GYS1: variants seen among roughly 807,000 people sequenced by gnomAD.
GYS1 encodes glycogen [starch] synthase, muscle.
In GYS1, 60 loss-of-function variants were observed where a neutral mutation model predicts 89.1. The observed-to-expected ratio is 0.67, with a 90% CI of 0.55 to 0.84. GYS1 has a LOEUF of 0.84. GYS1 is among the 40% of genes least tolerant of loss of function. The pLI is 0.00. For synonymous variants in GYS1, 366 were observed against 401.7 expected, an observed-to-expected ratio of 0.91 and a Z score of 1.06; for missense variants, 888 against 1,003.1, an observed-to-expected ratio of 0.89 and a Z score of 1.55.
In GYS1 at chr19:48,991,999, C is replaced by T. The variant is rs188278079; in HGVS notation, c.119-516G>A. On this transcript the variant is annotated intron_variant, in intron 1 of 15. Transcript: ENST00000323798. The surrounding 1 kb of genome is among the most constrained non-coding windows in gnomAD (Gnocchi z 4.7). ...CATGGTCATTCCCTGCCCCCAGGGA[C>T]CTTGCTGACCTGCCTCCCAATTTCC... Among the ~76,000 whole-genome samples the T allele has an allele frequency of 1.3e-5, 2 of 152,196 alleles. No homozygotes were observed. The highest frequency in any genetic ancestry group is 3.9e-4 in the East Asian group (2 of 5,180).
In GYS1 at chr19:48,993,298, C is replaced by A. The variant is rs778597713; in HGVS notation, c.-186G>T. ...CGTTGGGACCTAGGCAGAAGGAGGC[C>A]GCAGCGTCACTGAGCCCACTGGCGC... On this transcript the variant is annotated 5_prime_UTR_variant, in exon 1 of 16. Coordinates refer to ENST00000323798, the MANE Select transcript of GYS1 (RefSeq NM_002103.5). 6.0e-6 allele frequency: 4 copies of A among 663,864 alleles called. No homozygotes were observed. Among genetic ancestry groups the A allele is most frequent in the Non-Finnish European group, 8.4e-6 (3 of 358,054 alleles). 41.1% of individuals were successfully genotyped at this position (663,864 alleles called of 1,614,324 possible).
Position 48,974,840 on chromosome 19 carries a change from C to T in GYS1, c.1309-107G>A, listed in dbSNP as rs183513857. 8.1e-5 allele frequency: 60 copies of T among 740,520 alleles called. No homozygotes were observed. In the African/African-American group the frequency reaches 9.1e-4, roughly 11 times the overall value. The allele number at this position is 740,520 out of a possible 1,614,324, so 45.9% of individuals were successfully genotyped here. A position where few individuals can be genotyped will look rare whatever the true frequency, so the allele number is the denominator to read the frequency against. ...GGGAGCCAAGGAGACCACAAATGCA[C>T]CGGACGTGGGGCAACAAACCCAAGT... On this transcript the variant is annotated intron_variant, in intron 10 of 15. Transcript: ENST00000323798.
At chr19:48,978,907 G>A (rs191659988) in intron 8 of GYS1, among the ~76,000 whole-genome samples, 1 of 152,304 alleles carries the variant, frequency 6.6e-6, no homozygotes, top group African/African-American at 2.4e-5. Context: ...CCTCCAGGCT[G>A]GAGGATGGGG....
Position 48,993,264 on chromosome 19 carries a change from G to A in GYS1, c.-152C>T, listed in dbSNP as rs1221577572. The A allele has an allele frequency of 2.7e-6, 2 of 737,408 alleles. 1 individual carries two copies. The highest frequency in any genetic ancestry group is 2.8e-5 in the South Asian group (2 of 72,664). 45.7% of individuals were successfully genotyped at this position (737,408 alleles called of 1,614,324 possible). A position where few individuals can be genotyped will look rare whatever the true frequency, so the allele number is the denominator to read the frequency against. ...CTTCCTATTGCAAGACCGCACCCCT[G>A]CCCCGAAGCGTTGGGACCTAGGCAG... On this transcript the variant is annotated 5_prime_UTR_variant, in exon 1 of 16. Coordinates refer to ENST00000323798, the MANE Select transcript of GYS1 (RefSeq NM_002103.5).
intron 5 of GYS1, among the ~76,000 whole-genome samples, chr19:48,983,955 A>G (rs1348529058): frequency 1.3e-5 from 2 of 152,188 alleles, no homozygotes; most frequent in Non-Finnish European, 2.9e-5. Flanking sequence ...AGGTAAAAAA[A>G]TGGTAACTGA....
rs1346568302 is a variant in GYS1 at position 48,969,402 on chromosome 19, G to A, written c.2100C>T (p.Thr700=). The A allele has an allele frequency of 1.3e-6, 2 of 1,559,190 alleles. No homozygotes were observed. Reference sequence around the variant, plus strand: ...TGCGCTTGCTGCCGCTGGTGGAGGAGGTGCAGGACGCTCGGCGCGGCCACT... The same window carrying A: ...TGCGCTTGCTGCCGCTGGTGGAGGAAGTGCAGGACGCTCGGCGCGGCCACT... ...APEWPRRASC[T]SSTSGSKRNS... is the part of the protein sequence containing the mutation. Residue 700 remains threonine, a synonymous_variant, in exon 16 of 16, where the codon ACC becomes ACT. Coordinates refer to ENST00000323798, the MANE Select transcript of GYS1 (RefSeq NM_002103.5).
At position 48,974,724 on chromosome 19, in the gene GYS1, A is replaced by G. The variant is rs756191455; in HGVS notation, c.1318T>C (p.Phe440Leu). 1.1e-5 allele frequency: 17 copies of G among 1,611,010 alleles called. No homozygotes were observed. Among genetic ancestry groups the G allele is most frequent in the Middle Eastern group, 1.6e-4 (1 of 6,076 alleles). ...ATATTGTGGGTGCACACAGGGGGGA[A>G]AGACTGCCGCTGCAGGAGCCACAAG... ...RAIFATQRQSFPPVCTHNMLD... is the reference protein window; with the variant it reads ...RAIFATQRQSLPPVCTHNMLD... The change falls in exon 11 of 16, where the codon TTC (phenylalanine) becomes CTC (leucine). Residue 440 changes from phenylalanine (F) to leucine (L), a missense_variant. Physicochemically the swap from Phe to Leu is conservative, Grantham distance 22. Coordinates refer to ENST00000323798, the MANE Select transcript of GYS1 (RefSeq NM_002103.5).
At position 48,969,490 on chromosome 19, in the gene GYS1, T is replaced by A. The variant is rs780892427; in HGVS notation, c.2012A>T (p.Asp671Val). 49 of 1,545,012 alleles carry A rather than the reference T, an allele frequency of 3.2e-5. No individual in the cohort carries two copies. Among genetic ancestry groups the A allele is most frequent in the Middle Eastern group, 4.3e-4 (2 of 4,684 alleles). ...EDPRNGPLEE[D>V]GERYDEDEEA... ...CTCGTCCTCATCGTAGCGCTCGCCGTCTTCCTCCAGCGGCCCGTTCCGGGG... is the reference window on the plus strand; with the variant it reads ...CTCGTCCTCATCGTAGCGCTCGCCGACTTCCTCCAGCGGCCCGTTCCGGGG... Residue 671 changes from aspartate to valine, a missense_variant, in exon 16 of 16, where the codon GAC becomes GTC. Coordinates refer to ENST00000323798, the MANE Select transcript of GYS1 (RefSeq NM_002103.5).
intron 5 of GYS1, among the ~76,000 whole-genome samples, chr19:48,983,648 CCAGT>C (rs752132415): frequency 2.6e-5 from 4 of 152,160 alleles, no homozygotes; most frequent in Non-Finnish European, 5.9e-5. Context: ...ATAGAGCTAA[CCAGT>C]CAAAGGCCTT....
At position 48,992,981 on chromosome 19, in the gene GYS1, C is replaced by T; in HGVS notation, c.118+14G>A. 6.7e-7 allele frequency: 1 copy of T among 1,483,388 alleles called. No homozygotes were observed. Among genetic ancestry groups the T allele is most frequent in the South Asian group, 1.1e-5 (1 of 88,476 alleles). 91.9% of individuals were successfully genotyped at this position (1,483,388 alleles called of 1,614,324 possible). On this transcript the variant is annotated intron_variant, in intron 1 of 15. Coordinates refer to ENST00000323798, the MANE Select transcript of GYS1 (RefSeq NM_002103.5). Reference sequence around the variant, plus strand: ...GTCCTTCTCGTCAAGGGCCCCGACGCCTGGCGTGCTCACCCTTGTTAGCCA... The same window carrying T: ...GTCCTTCTCGTCAAGGGCCCCGACGTCTGGCGTGCTCACCCTTGTTAGCCA...
At chr19:48,984,267 A>G (rs1300965605) in intron 5 of GYS1, among the ~76,000 whole-genome samples, 1 of 152,058 alleles carries the variant, frequency 6.6e-6, no homozygotes, top group African/African-American at 2.4e-5. Flanking sequence ...TCAGCCTTCC[A>G]AAGTGCTGGG....
intron 8 of GYS1, among the ~76,000 whole-genome samples, chr19:48,979,509 A>G (rs1301499000): frequency 1.3e-5 from 2 of 149,732 alleles, no homozygotes; most frequent in Admixed American, 6.7e-5. Context: ...GCTAATTTTT[A>G]TATTTTTAGT....
In GYS1 at chr19:48,968,980, A is replaced by G. The variant is rs773847232; in HGVS notation, c.*308T>C. 1.0e-5 allele frequency: 6 copies of G among 597,070 alleles called. No homozygotes were observed. Among genetic ancestry groups the G allele is most frequent in the South Asian group, 7.6e-5 (5 of 65,746 alleles). The allele number at this position is 597,070 out of a possible 1,614,324, so 37.0% of individuals were successfully genotyped here. A position where few individuals can be genotyped will look rare whatever the true frequency, so the allele number is the denominator to read the frequency against. On this transcript the variant is annotated 3_prime_UTR_variant, in exon 16 of 16. Transcript: ENST00000323798. ...CTGAAAGCACCATGCCAGGTTTCCT[A>G]AAACCTCTGGCACCACCGCAGAGTA...
chr19:48,989,997 C>CCGGGGGGGG (rs1568626187), intron 2 of GYS1, among the ~76,000 whole-genome samples: 1 of 26,152 alleles, frequency 3.8e-5, no homozygotes, highest in African/African-American at 3.6e-4. Flanking sequence ...TGCCCTTTTG[C>CCGGGGGGGG]TGGGGGGGGG....
Position 48,993,081 on chromosome 19 carries a change from G to A in GYS1, c.32C>T (p.Ser11Leu), listed in dbSNP as rs1407922848. The change falls in exon 1 of 16, where the codon TCA becomes TTA. Residue 11 changes from serine to leucine, a missense_variant. Transcript: ENST00000323798. MPLNRTLSMS[S>L]LPGLEDWEDE... ...CTCCCAGTCCTCCAGTCCTGGCAGT[G>A]AGGACATGGACAAAGTGCGGTTTAA... 2 of 1,612,222 alleles carry A rather than the reference G, an allele frequency of 1.2e-6. No homozygotes were observed. Among genetic ancestry groups the A allele is most frequent in the Non-Finnish European group, 1.7e-6 (2 of 1,178,320 alleles).
chr19:48,981,725 G>A, intron 7 of GYS1, 89 bp from the exon 8 acceptor site: 1 of 802,028 alleles, frequency 1.2e-6, no homozygotes. Flanking sequence ...CTGGGATCCT[G>A]CCATACCCAT....
chr19:48,982,403 C>T, intron 6 of GYS1, 28 bp from the exon 7 acceptor site: 1 of 1,613,402 alleles, frequency 6.2e-7, no homozygotes, highest in Non-Finnish European at 8.5e-7. Flanking sequence ...CACGGTAAAG[C>T]CCAAAGCCCT....
At chr19:48,987,619 C>T (rs867159745) in intron 2 of GYS1, among the ~76,000 whole-genome samples, 1 of 151,982 alleles carries the variant, frequency 6.6e-6, no homozygotes, top group African/African-American at 2.4e-5. Flanking sequence ...CAATATTTTC[C>T]GTGCCCCCTG....
In GYS1 at chr19:48,969,616, A is replaced by G. The variant is rs562560752; in HGVS notation, c.1891-5T>C. 6.5e-7 allele frequency: 1 copy of G among 1,543,444 alleles called. No individual in the cohort carries two copies. Among genetic ancestry groups the G allele is most frequent in the Admixed American group, 1.9e-5 (1 of 51,570 alleles). Reference sequence around the variant, plus strand: ...TGGGTAGCGGTACCCCTGGGCCTGCATACGGCGATGTGGGTGCAAACCAGG... The same window carrying G: ...TGGGTAGCGGTACCCCTGGGCCTGCGTACGGCGATGTGGGTGCAAACCAGG... On this transcript the variant is annotated splice_region_variant and splice_polypyrimidine_tract_variant and intron_variant, in intron 15 of 15. Coordinates refer to ENST00000323798, the MANE Select transcript of GYS1 (RefSeq NM_002103.5).
Sources: allele counts gnomAD v4.1 joint callset (sites outside exome capture counted in the v4.1 genomes callset), GRCh38; gene constraint gnomAD v4.1.1; non-coding constraint Gnocchi (gnomAD v3.1); transcripts MANE v1.5; gene names NCBI Gene and HGNC (gene_info 2026-07-23, HGNC 2026-07-21).